Variants in GTF2H1 observed in about 807,000 individuals in gnomAD.
GTF2H1 encodes the protein general transcription factor IIH subunit 1.
In GTF2H1, 16 loss-of-function variants were observed where a neutral mutation model predicts 71.2. The observed-to-expected ratio is 0.22, with a 90% CI of 0.15 to 0.34. The LOEUF (loss-of-function observed/expected upper bound fraction) is 0.34. Ranked by LOEUF, GTF2H1 falls within the 10% of genes least tolerant of loss-of-function variation. The pLI is 1.00. For synonymous variants in GTF2H1, 215 were observed against 219.0 expected (o/e 0.98, Z 0.16); for missense variants, 498 against 648.2 (o/e 0.77, Z 2.52).
chr11:18,364,699 G>C (rs1255552487), intron 14 of GTF2H1, among the ~76,000 whole-genome samples: 2 of 152,186 alleles, frequency 1.3e-5, no homozygotes, highest in African/African-American at 4.8e-5. Context: ...CCCAAGACAT[G>C]ACATAGCACA....
At chr11:18,346,225 A>T (rs530378667) in intron 7 of GTF2H1, among the ~76,000 whole-genome samples, 1 of 152,150 alleles carries the variant, frequency 6.6e-6, no homozygotes, top group East Asian at 1.9e-4. Flanking sequence ...GTTTTGTTTT[A>T]TTTTTAAATA....
chr11:18,345,396 C>T (rs917629924), intron 7 of GTF2H1, among the ~76,000 whole-genome samples: 8 of 151,992 alleles, frequency 5.3e-5, no homozygotes, highest in African/African-American at 1.7e-4. Flanking sequence ...GTGTAATCTT[C>T]ATGAAGCTGA....
chr11:18,340,992 C>T (rs1382864643), intron 5 of GTF2H1, among the ~76,000 whole-genome samples: 1 of 152,174 alleles, frequency 6.6e-6, no homozygotes, highest in Non-Finnish European at 1.5e-5. Flanking sequence ...GCTCTGACTC[C>T]TGAGATTCTT....
chr11:18,362,699 C>G (rs1865732844), intron 14 of GTF2H1, among the ~76,000 whole-genome samples: 1 of 115,746 alleles, frequency 8.6e-6, no homozygotes, highest in Non-Finnish European at 1.6e-5. Context: ...GAGATGGAGT[C>G]TAGTTCTGTC....
intron 7 of GTF2H1, among the ~76,000 whole-genome samples, chr11:18,343,879 G>T (rs1389675100): frequency 6.6e-6 from 1 of 152,184 alleles, no homozygotes; most frequent in African/African-American, 2.4e-5. Flanking sequence ...TGTTGCCCAG[G>T]CTGGAGTGCA....
intron 7 of GTF2H1, among the ~76,000 whole-genome samples, chr11:18,344,874 C>T (rs1865249223): frequency 6.6e-6 from 1 of 152,076 alleles, no homozygotes; most frequent in African/African-American, 2.4e-5. Context: ...CCTGCTTGTT[C>T]CCTAACCAGC....
intron 14 of GTF2H1, among the ~76,000 whole-genome samples, chr11:18,365,100 G>A (rs965847133): frequency 2.0e-5 from 3 of 148,750 alleles, no homozygotes; most frequent in Non-Finnish European, 4.4e-5. Context: ...AAACCTGGCC[G>A]GGCATGGTGG....
intron 13 of GTF2H1, among the ~76,000 whole-genome samples, chr11:18,360,191 C>T (rs997702909): frequency 6.6e-6 from 1 of 150,772 alleles, no homozygotes; most frequent in Admixed American, 6.7e-5. Flanking sequence ...GGTGTGATCT[C>T]AGTTCACTGC....
intron 1 of GTF2H1, chr11:18,326,117 A>G (rs1189533161): frequency 6.6e-6 from 1 of 152,262 alleles, no homozygotes; most frequent in African/African-American, 2.4e-5. Context: ...CAGGCAAATT[A>G]GCTGTGAGAC....
intron 1 of GTF2H1, among the ~76,000 whole-genome samples, chr11:18,329,555 A>G (rs1333897486): frequency 1.3e-5 from 2 of 152,168 alleles, no homozygotes; most frequent in Non-Finnish European, 2.9e-5. Flanking sequence ...TCACTCCCCT[A>G]TTCAAAAGTC....
chr11:18,327,051 A>C (rs759532823), intron 1 of GTF2H1, among the ~76,000 whole-genome samples: 1 of 152,138 alleles, frequency 6.6e-6, no homozygotes, highest in Non-Finnish European at 1.5e-5. Flanking sequence ...AATCCCAGCT[A>C]CTTGGGAGGT....
chr11:18,352,864 TTCTA>T (rs1193699645), intron 11 of GTF2H1, among the ~76,000 whole-genome samples: 4 of 152,258 alleles, frequency 2.6e-5, no homozygotes, highest in Non-Finnish European at 5.9e-5. Context: ...TACTTCTTGA[TTCTA>T]TCACCCTTAT....
At chr11:18,330,392 G>A (rs1220566326) in intron 1 of GTF2H1, among the ~76,000 whole-genome samples, 2 of 152,312 alleles carry the variant, frequency 1.3e-5, no homozygotes, top group Non-Finnish European at 1.5e-5. Flanking sequence ...AGAAAGCAAC[G>A]TGCAGATTAG....
chr11:18,358,231 CTA>C, intron 12 of GTF2H1, 189 bp downstream of exon 12: 1 of 605,900 alleles, frequency 1.7e-6, no homozygotes, highest in South Asian at 2.1e-5. Flanking sequence ...AACCGTCTTA[CTA>C]TTACAAATAG....
chr11:18,325,439 A>G (rs1363852301), intron 1 of GTF2H1, among the ~76,000 whole-genome samples: 1 of 152,240 alleles, frequency 6.6e-6, no homozygotes, highest in African/African-American at 2.4e-5. Context: ...TTTAACAGCA[A>G]GATCTTAAAT....
In GTF2H1 at chr11:18,338,133, G is replaced by T; in HGVS notation, c.372G>T (p.Leu124Phe). Reference sequence around the variant, plus strand: ...GAATGCTGCAAGAAGATCCTGTTTTGTTTCAGCTTTATAAAGACCTTGTTG... The same window carrying T: ...GAATGCTGCAAGAAGATCCTGTTTTTTTTCAGCTTTATAAAGACCTTGTTG... ...KNRMLQEDPV[L>F]FQLYKDLVVS... The change falls in exon 4 of 15, where the codon TTG becomes TTT. Residue 124 changes from leucine to phenylalanine, a missense_variant. Coordinates refer to ENST00000265963, the MANE Select transcript of GTF2H1 (RefSeq NM_005316.4). 6.2e-7 allele frequency: 1 copy of T among 1,611,814 alleles called. No individual in the cohort carries two copies. The highest frequency in any genetic ancestry group is 8.5e-7 in the Non-Finnish European group (1 of 1,177,996).
intron 11 of GTF2H1, among the ~76,000 whole-genome samples, chr11:18,354,065 A>G (rs1036310446): frequency 6.6e-5 from 10 of 152,324 alleles, no homozygotes; most frequent in African/African-American, 2.2e-4. Context: ...TTTAAAATGG[A>G]ATGATTTGTC....
chr11:18,336,016 T>C, intron 3 of GTF2H1, 70 bp downstream of exon 3: 1 of 1,045,738 alleles, frequency 9.6e-7, no homozygotes, highest in South Asian at 2.1e-5. Flanking sequence ...TGCTAATAGC[T>C]TGTTAGCTAT....
At chr11:18,348,795 C>G (rs1865359143) in intron 9 of GTF2H1, 1 of 152,146 alleles carries the variant, frequency 6.6e-6, no homozygotes, top group Non-Finnish European at 1.5e-5. Flanking sequence ...AATGAATATG[C>G]TAAACGGTTA....
Sources: gnomAD v4.1 joint callset for allele counts (sites outside exome capture counted in the v4.1 genomes callset) on GRCh38, gnomAD v4.1.1 for gene constraint, MANE v1.5 for transcripts, NCBI Gene and HGNC (gene_info 2026-07-23, HGNC 2026-07-21) for gene names.